ANXA3: variants seen among roughly 807,000 people sequenced by gnomAD.
ANXA3 encodes 35-alpha calcimedin.
In ANXA3, 46 loss-of-function variants were observed where a neutral mutation model predicts 48.8. The ratio of observed to expected loss-of-function variants is 0.94; its 90% CI spans 0.74 to 1.21. The LOEUF is 1.21. Among genes scored for constraint, ANXA3 ranks in the 50% most tolerant of loss-of-function variants. The pLI, the probability that ANXA3 is intolerant of heterozygous loss-of-function variation, is 0.00. For missense variants in ANXA3, 383 were observed against 378.6 expected (o/e 1.01, Z -0.10); for synonymous variants, 128 against 134.7 (o/e 0.95, Z 0.35).
At chr4:78,600,548 C>A (rs756416737) in intron 10 of ANXA3, among the ~76,000 whole-genome samples, 1 of 152,126 alleles carries the variant, frequency 6.6e-6, no homozygotes, top group Non-Finnish European at 1.5e-5. Context: ...CAGAGAACTT[C>A]ATGTAACAGT....
chr4:78,604,120 T>C (rs1455462538), intron 11 of ANXA3, 157 bp from the exon 12 acceptor site: 2 of 676,852 alleles, frequency 3.0e-6, no homozygotes, highest in Non-Finnish European at 4.5e-6. Flanking sequence ...TCAACAAATA[T>C]TTCTTGAATA....
intron 3 of ANXA3, among the ~76,000 whole-genome samples, chr4:78,574,950 T>A (rs1578395253): frequency 6.6e-6 from 1 of 152,246 alleles, no homozygotes; most frequent in Non-Finnish European, 1.5e-5. Flanking sequence ...CTCTCTGAAA[T>A]GAATGCAGAA....
At chr4:78,562,690 A>G (rs1338153645) in intron 2 of ANXA3, among the ~76,000 whole-genome samples, 1 of 152,270 alleles carries the variant, frequency 6.6e-6, no homozygotes, top group Non-Finnish European at 1.5e-5. Context: ...TTATTAGGGA[A>G]GACAGACAAT....
At chr4:78,567,988 C>A (rs1722765972) in intron 2 of ANXA3, among the ~76,000 whole-genome samples, 1 of 152,236 alleles carries the variant, frequency 6.6e-6, no homozygotes, top group African/African-American at 2.4e-5. Context: ...ACATCACATT[C>A]TTTCTGTATG....
At chr4:78,579,184 A>G in intron 4 of ANXA3, 63 bp downstream of exon 4, 2 of 1,121,964 alleles carry the variant, frequency 1.8e-6, no homozygotes, top group Non-Finnish European at 2.7e-6. Flanking sequence ...TCGCTCCCAC[A>G]TGGTTATGCC....
At chr4:78,583,957 T>C (rs1022692406) in intron 5 of ANXA3, among the ~76,000 whole-genome samples, 17 of 152,204 alleles carry the variant, frequency 1.1e-4, no homozygotes, top group Non-Finnish European at 2.1e-4. Flanking sequence ...CCTGGCCAAG[T>C]TGGCACATAA....
chr4:78,567,294 A>G (rs1366057224), intron 2 of ANXA3, among the ~76,000 whole-genome samples: 1 of 152,210 alleles, frequency 6.6e-6, no homozygotes, highest in Non-Finnish European at 1.5e-5. Flanking sequence ...TGGAGGCCAG[A>G]AGTCTAAAAT....
chr4:78,553,445 T>C (rs1722442543), intron 1 of ANXA3, among the ~76,000 whole-genome samples: 1 of 152,210 alleles, frequency 6.6e-6, no homozygotes, highest in South Asian at 2.1e-4. Flanking sequence ...TTCTTCACTT[T>C]TTACAGATGA....
chr4:78,607,436 T>G (rs1723673127), intron 12 of ANXA3, among the ~76,000 whole-genome samples: 1 of 152,100 alleles, frequency 6.6e-6, no homozygotes, highest in African/African-American at 2.4e-5. Context: ...TCTCAGGGGG[T>G]AACCGGTGGG....
intron 6 of ANXA3, among the ~76,000 whole-genome samples, chr4:78,589,979 T>G (rs1723256245): frequency 1.3e-5 from 2 of 152,348 alleles, no homozygotes; most frequent in Middle Eastern, 6.8e-3. Context: ...ATATTCTATT[T>G]GATTTTATAC....
At chr4:78,562,025 G>A (rs1489810448) in intron 2 of ANXA3, among the ~76,000 whole-genome samples, 1 of 152,204 alleles carries the variant, frequency 6.6e-6, no homozygotes, top group African/African-American at 2.4e-5. Flanking sequence ...GCCCAACTGT[G>A]AAGGAGGGAG....
intron 2 of ANXA3, among the ~76,000 whole-genome samples, chr4:78,567,610 A>T (rs1286588701): frequency 6.6e-6 from 1 of 152,256 alleles, no homozygotes; most frequent in Non-Finnish European, 1.5e-5. Flanking sequence ...ACAAGACAAT[A>T]GAAAAGGACC....
intron 7 of ANXA3, among the ~76,000 whole-genome samples, chr4:78,592,350 G>A (rs1200075148): frequency 6.6e-6 from 1 of 152,108 alleles, no homozygotes; most frequent in African/African-American, 2.4e-5. Flanking sequence ...TCCCAACAAC[G>A]GTCTCAGCCT....
At chr4:78,587,051 C>T (rs879574099) in intron 6 of ANXA3, among the ~76,000 whole-genome samples, 14 of 152,188 alleles carry the variant, frequency 9.2e-5, no homozygotes, top group African/African-American at 1.2e-4. Flanking sequence ...TTCACAAATG[C>T]GATATTATCA....
At chr4:78,574,832 T>C (rs976465325) in intron 3 of ANXA3, among the ~76,000 whole-genome samples, 1 of 152,234 alleles carries the variant, frequency 6.6e-6, no homozygotes, top group Non-Finnish European at 1.5e-5. Context: ...TCCTCTCATG[T>C]CTCATTGTGC....
At chr4:78,565,594 G>A (rs1722713636) in intron 2 of ANXA3, among the ~76,000 whole-genome samples, 1 of 152,200 alleles carries the variant, frequency 6.6e-6, no homozygotes, top group African/African-American at 2.4e-5. Flanking sequence ...AGGAAACTGA[G>A]CAAATTGGCG....
At chr4:78,555,025 G>A (rs1722481597) in intron 2 of ANXA3, among the ~76,000 whole-genome samples, 1 of 152,126 alleles carries the variant, frequency 6.6e-6, no homozygotes, top group Non-Finnish European at 1.5e-5. Context: ...GGCCAACATG[G>A]TGAAACCGTG....
chr4:78,554,440 G>A lies in ANXA3; in HGVS notation c.-34G>A, dbSNP rs760118240. ...CTAATTGTTTTCTTTTAATAGATTAGTGTGATCTCAGCTCAAGGCAAAGGT... is the reference window on the plus strand; with the variant it reads ...CTAATTGTTTTCTTTTAATAGATTAATGTGATCTCAGCTCAAGGCAAAGGT... On this transcript the variant is annotated 5_prime_UTR_variant, in exon 2 of 13. The change creates a new upstream start codon in the 5' untranslated region. Transcript: ENST00000264908. 6.2e-7 allele frequency: 1 copy of A among 1,603,734 alleles called. No individual in the cohort carries two copies. Among genetic ancestry groups the A allele is most frequent in the Admixed American group, 1.7e-5 (1 of 60,004 alleles).
At chr4:78,562,765 G>A (rs1722651225) in intron 2 of ANXA3, among the ~76,000 whole-genome samples, 1 of 152,128 alleles carries the variant, frequency 6.6e-6, no homozygotes, top group Non-Finnish European at 1.5e-5. Flanking sequence ...AAGTAAAGGT[G>A]GATAATAAAT....
Sources: allele counts gnomAD v4.1 joint callset (sites outside exome capture counted in the v4.1 genomes callset), GRCh38; gene constraint gnomAD v4.1.1; transcripts MANE v1.5; gene names NCBI Gene and HGNC (gene_info 2026-07-23, HGNC 2026-07-21).